The following DCC variants were observed in gnomAD, a reference collection of about 807,000 sequenced individuals.
The protein encoded by DCC is DCC netrin 1 receptor.
In DCC, 58 loss-of-function variants were observed where a neutral mutation model predicts 172.5. That is an observed-to-expected ratio of 0.34 (90% CI 0.27 to 0.42). The LOEUF (loss-of-function observed/expected upper bound fraction) is 0.42. Ranked by LOEUF, DCC falls within the 10% of genes least tolerant of loss-of-function variation. The probability of loss-of-function intolerance (pLI) is 1.00; values close to 1 mark genes in which losing one functional copy is unlikely to be tolerated. For missense variants in DCC, 1,740 were observed against 1,791.0 expected, an observed-to-expected ratio of 0.97 and a Z score of 0.51; for synonymous variants, 709 against 644.5, an observed-to-expected ratio of 1.10 and a Z score of -1.52.
At chr18:52,957,194 A>C (rs1366732869) in intron 5 of DCC, among the ~76,000 whole-genome samples, 1 of 152,148 alleles carries the variant, frequency 6.6e-6, no homozygotes, top group Non-Finnish European at 1.5e-5. Context: ...ATCATTTATG[A>C]TCTTTATGGA....
At chr18:53,130,642 C>T (rs1200706320) in intron 7 of DCC, among the ~76,000 whole-genome samples, 1 of 151,994 alleles carries the variant, frequency 6.6e-6, no homozygotes. Context: ...GAACAATTGT[C>T]TTGTTTTCAA....
chr18:52,883,223 G>A (rs573270435), intron 2 of DCC, among the ~76,000 whole-genome samples: 2 of 151,952 alleles, frequency 1.3e-5, no homozygotes, highest in East Asian at 3.9e-4. Context: ...CTATGGCTTT[G>A]GATTGGAGAT....
chr18:53,450,385 C>G (rs2045393745), intron 22 of DCC, 115 bp from the exon 23 acceptor site: 1 of 1,099,528 alleles, frequency 9.1e-7, no homozygotes, highest in African/African-American at 1.5e-5. Context: ...CCCATCACTA[C>G]CCCTAAGTTC....
intron 2 of DCC, among the ~76,000 whole-genome samples, chr18:52,766,847 G>T (rs1438955954): frequency 6.6e-6 from 1 of 151,960 alleles, no homozygotes. Flanking sequence ...GTGAGATTTT[G>T]TCAGGGACCG....
At chr18:52,645,732 A>G (rs11662929) in intron 1 of DCC, among the ~76,000 whole-genome samples, 19,028 of 152,258 alleles carry the variant, frequency 0.12, 1,398 homozygotes, top group Admixed American at 0.2. Context: ...CAGCCCGTTC[A>G]GATGTAGCAG....
intron 5 of DCC, among the ~76,000 whole-genome samples, chr18:52,990,647 A>T (rs996020712): frequency 6.6e-6 from 1 of 151,912 alleles, no homozygotes; most frequent in African/African-American, 2.4e-5. Flanking sequence ...CTTGCACACA[A>T]TTCTCTTACC....
At chr18:52,746,504 T>A (rs1050723211) in intron 1 of DCC, among the ~76,000 whole-genome samples, 2 of 152,174 alleles carry the variant, frequency 1.3e-5, no homozygotes, top group African/African-American at 4.8e-5. Context: ...AATTATTTTT[T>A]ACACTTAACA....
chr18:52,472,792 C>G (rs1988984550), intron 1 of DCC, among the ~76,000 whole-genome samples: 2 of 152,120 alleles, frequency 1.3e-5, no homozygotes, highest in South Asian at 4.1e-4. Context: ...ATAGTCCCAG[C>G]TACTTGGGAG....
chr18:52,517,644 A>C (rs1451501352), intron 1 of DCC, among the ~76,000 whole-genome samples: 1 of 152,226 alleles, frequency 6.6e-6, no homozygotes, highest in Non-Finnish European at 1.5e-5. Flanking sequence ...ATATGTCATA[A>C]ATAAACAGCT....
intron 1 of DCC, among the ~76,000 whole-genome samples, chr18:52,690,989 G>A (rs2145011320): frequency 6.6e-6 from 1 of 152,094 alleles, no homozygotes; most frequent in East Asian, 1.9e-4. Context: ...CCTCTCCAGG[G>A]AATAGTCATA....
chr18:52,542,636 A>G (rs1305896470), intron 1 of DCC, among the ~76,000 whole-genome samples: 2 of 151,988 alleles, frequency 1.3e-5, no homozygotes, highest in African/African-American at 2.4e-5. Flanking sequence ...AGGAGTTTGA[A>G]ACCAGCCTGG....
intron 12 of DCC, among the ~76,000 whole-genome samples, chr18:53,226,144 T>C (rs2056024433): frequency 6.6e-6 from 1 of 152,120 alleles, no homozygotes; most frequent in Non-Finnish European, 1.5e-5. Flanking sequence ...GCCAGGGCTG[T>C]TGGTCATTTG....
intron 1 of DCC, among the ~76,000 whole-genome samples, chr18:52,443,163 T>A (rs746866921): frequency 6.6e-6 from 1 of 152,172 alleles, no homozygotes; most frequent in African/African-American, 2.4e-5. Context: ...TAAATACTGA[T>A]GTTGAGTTCA....
intron 7 of DCC, among the ~76,000 whole-genome samples, chr18:53,070,833 T>C (rs1411266999): frequency 6.6e-6 from 1 of 152,194 alleles, no homozygotes; most frequent in African/African-American, 2.4e-5. Flanking sequence ...GGATTGCTTT[T>C]TCCTGGCTAT....
intron 2 of DCC, among the ~76,000 whole-genome samples, chr18:52,830,920 A>T (rs567200883): frequency 2.7e-4 from 41 of 152,238 alleles, no homozygotes; most frequent in South Asian, 1.7e-3. Flanking sequence ...GACAAAAATA[A>T]TGGCTGCAAT....
chr18:52,696,569 A>G (rs2036015183), intron 1 of DCC, among the ~76,000 whole-genome samples: 1 of 152,204 alleles, frequency 6.6e-6, no homozygotes, highest in Admixed American at 6.5e-5. Flanking sequence ...CTGGTATGCC[A>G]TTAGGAAATG....
chr18:52,918,362 A>T (rs2040071213), intron 3 of DCC, among the ~76,000 whole-genome samples: 1 of 152,192 alleles, frequency 6.6e-6, no homozygotes, highest in Admixed American at 6.6e-5. Context: ...AAATCAATTT[A>T]GTCAACAAGA....
chr18:52,951,629 CT>C (rs2040649666), intron 5 of DCC, among the ~76,000 whole-genome samples: 1 of 152,118 alleles, frequency 6.6e-6, no homozygotes, highest in Non-Finnish European at 1.5e-5. Flanking sequence ...TTTTTTATGG[CT>C]GCATACAAGT....
intron 3 of DCC, among the ~76,000 whole-genome samples, chr18:52,918,555 T>C (rs2040073413): frequency 6.6e-6 from 1 of 152,138 alleles, no homozygotes; most frequent in Admixed American, 6.6e-5. Flanking sequence ...TTAAGATAAC[T>C]CTGTACTCTA....
Sources: gnomAD v4.1 joint callset for allele counts (sites outside exome capture counted in the v4.1 genomes callset) on GRCh38, gnomAD v4.1.1 for gene constraint, MANE v1.5 for transcripts, NCBI Gene and HGNC (gene_info 2026-07-23, HGNC 2026-07-21) for gene names.